Variants in DOCK7 observed in about 807,000 individuals in gnomAD.
The protein encoded by DOCK7 is dedicator of cytokinesis protein 7.
In DOCK7, 138 loss-of-function variants were observed where a neutral mutation model predicts 271.0. The observed-to-expected ratio is 0.51, with a 90% CI of 0.44 to 0.59. DOCK7 has a LOEUF of 0.59. DOCK7 is among the 20% of genes least tolerant of loss of function. DOCK7 has a pLI of 0.00. For missense variants in DOCK7, 2,066 were observed against 2,592.4 expected (o/e 0.80, Z 4.41); for synonymous variants, 823 against 876.1 (o/e 0.94, Z 1.07).
intron 11 of DOCK7, chr1:62,629,558 G>A (rs992949045): frequency 7.2e-5 from 11 of 152,162 alleles, no homozygotes; most frequent in African/African-American, 2.4e-4. Flanking sequence ...ATATATTAAA[G>A]GTTGTTTAGG....
chr1:62,492,990 C>A, intron 40 of DOCK7, 143 bp from the exon 41 acceptor site: 2 of 607,830 alleles, frequency 3.3e-6, no homozygotes, highest in Non-Finnish European at 5.4e-6. Context: ...AGATAAATCT[C>A]TAAAAACTTT....
chr1:62,598,705 G>A (rs764502067), intron 14 of DOCK7: 3 of 1,605,866 alleles, frequency 1.9e-6, no homozygotes, highest in Non-Finnish European at 2.6e-6. Flanking sequence ...GACTTTTGTA[G>A]AAAAACAAGA....
rs10889354 is a variant in DOCK7, at chr1:62,663,411, T to C, written c.39-281A>G. Among the ~76,000 whole-genome samples the C allele has an allele frequency of 0.35, 53,559 of 151,942 alleles. 9,777 individuals carry two copies. Among genetic ancestry groups the C allele is most frequent in the African/African-American group, 0.44 (18,258 of 41,384 alleles). ...TTAGGGAACACACTTTGGCCTACAA[T>C]AGAGCTGCAACTATAGAGCTGGCTC... On this transcript the variant is annotated intron_variant, in intron 1 of 49. Coordinates refer to ENST00000635253, the MANE Select transcript of DOCK7 (RefSeq NM_001367561.1).
intron 43 of DOCK7, chr1:62,484,718 C>T (rs931327755): frequency 1.3e-5 from 2 of 151,768 alleles, no homozygotes; most frequent in African/African-American, 2.4e-5. Context: ...AACATAATTA[C>T]AAAAATATAT....
chr1:62,601,348 T>TA, intron 14 of DOCK7: 1 of 630,588 alleles, frequency 1.6e-6, no homozygotes, highest in Non-Finnish European at 2.9e-6. Flanking sequence ...TTACACCCTA[T>TA]AAAAGACATA....
At chr1:62,638,381 T>C (rs1427454130) in intron 7 of DOCK7, 1 of 151,926 alleles carries the variant, frequency 6.6e-6, no homozygotes, top group Non-Finnish European at 1.5e-5. Context: ...TTTTTCTTTC[T>C]ATAAGATCAT....
At chr1:62,545,073 A>G (rs1401366685) in intron 22 of DOCK7, 34 bp from the exon 23 acceptor site, 1 of 1,473,002 alleles carries the variant, frequency 6.8e-7, no homozygotes, top group East Asian at 2.5e-5. Flanking sequence ...TTGAAAGGAA[A>G]GAAATATTAC....
intron 1 of DOCK7, among the ~76,000 whole-genome samples, chr1:62,679,472 G>A (rs1660873438): frequency 6.6e-6 from 1 of 152,110 alleles, no homozygotes; most frequent in Middle Eastern, 3.4e-3. Context: ...AATGGAGGAG[G>A]GGGATAACAG....
chr1:62,559,183 G>A lies in DOCK7; in HGVS notation c.2237C>T (p.Ala746Val). The change falls in exon 20 of 50, where the codon GCT becomes GTT. Residue 746 changes from alanine to valine, a missense_variant. Physicochemically the swap from Ala to Val is moderately conservative, Grantham distance 64 (BLOSUM62 0). Transcript: ENST00000635253. The stretch of plus-strand genomic sequence containing the variant: ...GACTGGGAACAGGTGTTCATCCAGA[G>A]CATTGACCAGAGCAAAAAATTTGTC... Reference protein sequence around the residue: ...YLDKFFALVNALDEHLFPVRI... With the variant: ...YLDKFFALVNVLDEHLFPVRI... 1 of 1,613,468 alleles carries A rather than the reference G, an allele frequency of 6.2e-7. No individual in the cohort carries two copies. The highest frequency in any genetic ancestry group is 8.5e-7 in the Non-Finnish European group (1 of 1,179,680).
At chr1:62,472,582 T>G (rs1264660894) in intron 48 of DOCK7, among the ~76,000 whole-genome samples, 2 of 152,232 alleles carry the variant, frequency 1.3e-5, no homozygotes, top group Non-Finnish European at 2.9e-5. Context: ...AACAAAGCAC[T>G]TGATTGTTAC....
chr1:62,554,333 G>A (rs1464210169), intron 21 of DOCK7, among the ~76,000 whole-genome samples: 7 of 151,942 alleles, frequency 4.6e-5, no homozygotes, highest in African/African-American at 1.5e-4. Context: ...TTAGCTGGGC[G>A]TGGTGGCAGG....
intron 31 of DOCK7, among the ~76,000 whole-genome samples, chr1:62,514,268 G>T (rs1644592053): frequency 6.6e-6 from 1 of 152,054 alleles, no homozygotes; most frequent in Non-Finnish European, 1.5e-5. Context: ...AAAAGCAACT[G>T]ACTCACAGTA....
chr1:62,582,865 G>C (rs1478178963), intron 16 of DOCK7, among the ~76,000 whole-genome samples: 2 of 152,056 alleles, frequency 1.3e-5, no homozygotes, highest in African/African-American at 4.8e-5. Context: ...CTTAGTAAAG[G>C]GTAAAGTTAC....
At chr1:62,592,455 T>C (rs1648588609) in intron 14 of DOCK7, among the ~76,000 whole-genome samples, 1 of 152,172 alleles carries the variant, frequency 6.6e-6, no homozygotes. Context: ...ATTTATAAGA[T>C]GTAATTTTTA....
chr1:62,653,674 T>C lies in DOCK7; in HGVS notation c.389+51A>G, dbSNP rs138033370. ...ACATTACGAATCTGCCTTAATCCAT[T>C]TAGAAATCTTACTCAATATTTGTAA... On this transcript the variant is annotated intron_variant, in intron 4 of 49. Coordinates refer to ENST00000635253, the MANE Select transcript of DOCK7 (RefSeq NM_001367561.1). 1.3e-3 allele frequency: 1,579 copies of C among 1,200,186 alleles called. 3 individuals carry two copies. Among genetic ancestry groups the C allele is most frequent in the Non-Finnish European group, 1.7e-3 (1,367 of 809,826 alleles). The allele number at this position is 1,200,186 out of a possible 1,614,324, so 74.3% of individuals were successfully genotyped here.
At chr1:62,537,448 T>C (rs753761058) in intron 28 of DOCK7, among the ~76,000 whole-genome samples, 30 of 152,018 alleles carry the variant, frequency 2.0e-4, no homozygotes, top group Non-Finnish European at 2.8e-4. Flanking sequence ...TAGCTGGGCA[T>C]AGTGGCGCAC....
chr1:62,549,066 G>A (rs914230427), intron 22 of DOCK7, among the ~76,000 whole-genome samples: 1 of 152,066 alleles, frequency 6.6e-6, no homozygotes, highest in African/African-American at 2.4e-5. Context: ...GACAAGAGAA[G>A]AGAAATAAGG....
In DOCK7 at chr1:62,555,912, C is replaced by A; in HGVS notation, c.2509G>T (p.Asp837Tyr). Residue 837 changes from aspartate (D) to tyrosine (Y), a missense_variant, in exon 21 of 50, where the codon GAC becomes TAC. By Grantham distance (160) the Asp-to-Tyr change is radical (BLOSUM62 -3). Transcript: ENST00000635253. ...RLHKNLEGNH[D>Y]QHGRNSLLAS... ...AGAAGGCTGTTTCTGCCATGCTGGT[C>A]ATGATTTCCTTCCAAGTTTTTGTGA... is the stretch of plus-strand genomic sequence containing the variant. The A allele has an allele frequency of 6.2e-7, 1 of 1,613,886 alleles. No individual in the cohort carries two copies. Among genetic ancestry groups the A allele is most frequent in the South Asian group, 1.1e-5 (1 of 91,054 alleles).
intron 14 of DOCK7, among the ~76,000 whole-genome samples, chr1:62,597,113 T>A (rs1326766621): frequency 6.6e-6 from 1 of 152,144 alleles, no homozygotes; most frequent in Non-Finnish European, 1.5e-5. Context: ...TTGGAATGGA[T>A]CACTGTTTCC....
Sources: allele counts gnomAD v4.1 joint callset (sites outside exome capture counted in the v4.1 genomes callset), GRCh38; gene constraint gnomAD v4.1.1; transcripts MANE v1.5; gene names NCBI Gene and HGNC (gene_info 2026-07-23, HGNC 2026-07-21).